BCAR1: variants seen among roughly 807,000 people sequenced by gnomAD.
BCAR1 encodes BCAR1 scaffold protein, Cas family member.
In BCAR1, 30 loss-of-function variants were observed where a neutral mutation model predicts 67.6. That is an observed-to-expected ratio of 0.44 (90% CI 0.33 to 0.60). The LOEUF is 0.60. Ranked by LOEUF, BCAR1 falls within the 20% of genes least tolerant of loss-of-function variation. BCAR1 has a pLI of 0.02. For missense variants in BCAR1, 1,313 were observed against 1,222.3 expected (o/e 1.07, Z -1.11); for synonymous variants, 626 against 556.7 (o/e 1.12, Z -1.75).
At chr16:75,245,318 GAGTGAGTCAC>G (rs778941102) in intron 1 of BCAR1, among the ~76,000 whole-genome samples, 4 of 152,254 alleles carry the variant, frequency 2.6e-5, no homozygotes, top group Non-Finnish European at 5.9e-5. Flanking sequence ...AGTGCCAGCA[GAGTGAGTCAC>G]AGGAAAATTC....
chr16:75,235,061 G>A lies in BCAR1; in HGVS notation c.1838C>T (p.Pro613Leu), dbSNP rs568726629. 1.8e-5 allele frequency: 29 copies of A among 1,613,066 alleles called. No individual in the cohort carries two copies. The highest frequency in any genetic ancestry group is 1.6e-4 in the Middle Eastern group (1 of 6,062). Residue 613 changes from proline to leucine, a missense_variant, in exon 5 of 7, where the codon CCG becomes CTG. Coordinates refer to ENST00000162330, the MANE Select transcript of BCAR1 (RefSeq NM_014567.5). ...LLFRRTKATA[P>L]GPEGGGTLHP... ...CAGGGTGCCACCCCCCTCAGGCCCCGGGGCAGTGGCCTTGGTCCGTCTGAA... is the reference window on the plus strand; with the variant it reads ...CAGGGTGCCACCCCCCTCAGGCCCCAGGGCAGTGGCCTTGGTCCGTCTGAA...
chr16:75,248,127 G>A, intron 1 of BCAR1: 1 of 1,596,576 alleles, frequency 6.3e-7, no homozygotes, highest in Non-Finnish European at 8.5e-7. Context: ...TCCAGAAGCA[G>A]CAGAGGCCGA....
chr16:75,230,191 C>T (rs2076851881), intron 6 of BCAR1, among the ~76,000 whole-genome samples, 168 bp from the exon 7 acceptor site: 1 of 152,218 alleles, frequency 6.6e-6, no homozygotes, highest in African/African-American at 2.4e-5. Flanking sequence ...GACCAGGAAC[C>T]ATGGCAAGCC....
chr16:75,237,790 C>T (rs1004276863), intron 2 of BCAR1, among the ~76,000 whole-genome samples: 2 of 152,196 alleles, frequency 1.3e-5, no homozygotes, highest in Non-Finnish European at 2.9e-5. Context: ...GCCCACACCA[C>T]CTAGCTGTAG....
chr16:75,229,718 C>G lies in BCAR1; in HGVS notation c.2406G>C (p.Gln802His). 6.2e-7 allele frequency: 1 copy of G among 1,613,168 alleles called. No homozygotes were observed. Among genetic ancestry groups the G allele is most frequent in the Non-Finnish European group, 8.5e-7 (1 of 1,179,908 alleles). The change falls in exon 7 of 7, where the codon CAG becomes CAC. Residue 802 changes from glutamine to histidine, a missense_variant. Gln to His is a conservative substitution (Grantham distance 24). Around this residue, in one of 2 missense-constraint regions of BCAR1, gnomAD observed 1,272 missense variants for 1,137.5 expected, o/e 1.12. Coordinates refer to ENST00000162330, the MANE Select transcript of BCAR1 (RefSeq NM_014567.5). Reference sequence around the variant, plus strand: ...GGCTGCGCACGTCAGCAGCCTTGGCCTGCCGTGACAGTGTGTCCCCGATGA... The same window carrying G: ...GGCTGCGCACGTCAGCAGCCTTGGCGTGCCGTGACAGTGTGTCCCCGATGA... ...LVFIGDTLSR[Q>H]AKAADVRSQV...
chr16:75,253,304 G>C (rs1015498422), upstream of BCAR1, among the ~76,000 whole-genome samples: 1 of 152,244 alleles, frequency 6.6e-6, no homozygotes, highest in Non-Finnish European at 1.5e-5. Context: ...AGGAGCCTGA[G>C]GTCATCCCTG....
intron 2 of BCAR1, chr16:75,238,054 G>T (rs2077205267): frequency 7.8e-7 from 1 of 1,289,032 alleles, no homozygotes; most frequent in African/African-American, 1.5e-5. Context: ...GGGGAAGTGG[G>T]TCCAGGGCCA....
At chr16:75,265,172 G>T (rs1457862982) in intron 1 of BCAR1, 2 of 152,436 alleles carry the variant, frequency 1.3e-5, no homozygotes, top group Non-Finnish European at 2.9e-5. Flanking sequence ...GGCCAGTCAG[G>T]GCCCCGGGGG....
At chr16:75,241,133 T>G (rs1182167633) in intron 2 of BCAR1, among the ~76,000 whole-genome samples, 1 of 152,238 alleles carries the variant, frequency 6.6e-6, no homozygotes, top group Non-Finnish European at 1.5e-5. Flanking sequence ...TTTGTATGTG[T>G]GGACGTACAC....
chr16:75,266,984 G>T (rs1048247858), intron 1 of BCAR1, among the ~76,000 whole-genome samples: 2 of 152,170 alleles, frequency 1.3e-5, no homozygotes, highest in African/African-American at 4.8e-5. Flanking sequence ...GCCTGCCAGG[G>T]ATGCTGTGCC....
At chr16:75,259,090 C>T (rs2077841519) in intron 1 of BCAR1, among the ~76,000 whole-genome samples, 1 of 152,180 alleles carries the variant, frequency 6.6e-6, no homozygotes, top group Non-Finnish European at 1.5e-5. Context: ...GACTCTACAG[C>T]CTAAGACACT....
At chr16:75,258,397 T>C (rs1425669665) in intron 1 of BCAR1, among the ~76,000 whole-genome samples, 1 of 152,228 alleles carries the variant, frequency 6.6e-6, no homozygotes, top group Non-Finnish European at 1.5e-5. Context: ...AGTGGCTGGT[T>C]GCAGTCACTT....
chr16:75,263,995 C>G, intron 1 of BCAR1: 1 of 1,193,702 alleles, frequency 8.4e-7, no homozygotes, highest in African/African-American at 1.6e-5. Flanking sequence ...TGGCAAAGAC[C>G]TCTGCCCACC....
chr16:75,244,894 A>G (rs1377340396), intron 1 of BCAR1, among the ~76,000 whole-genome samples: 1 of 152,358 alleles, frequency 6.6e-6, no homozygotes, highest in East Asian at 1.9e-4. Flanking sequence ...AAACGTAAAG[A>G]CAAGAGAGGG....
In BCAR1 at chr16:75,229,469, C is replaced by T; in HGVS notation, c.*42G>A. The T allele has an allele frequency of 3.4e-6, 5 of 1,476,942 alleles. No homozygotes were observed. The highest frequency in any genetic ancestry group is 4.5e-6 in the Non-Finnish European group (5 of 1,113,226). The allele number at this position is 1,476,942 out of a possible 1,614,324, so 91.5% of individuals were successfully genotyped here. A position where few individuals can be genotyped will look rare whatever the true frequency, so the allele number is the denominator to read the frequency against. On this transcript the variant is annotated 3_prime_UTR_variant, in exon 7 of 7. Coordinates refer to ENST00000162330, the MANE Select transcript of BCAR1 (RefSeq NM_014567.5). ...TGACATGGGAGCCAGGGAGCTGGGA[C>T]CGCCGCACCCCTCCCCTGCCTCCCT...
intron 1 of BCAR1, chr16:75,250,864 G>A: frequency 6.1e-6 from 6 of 985,492 alleles, no homozygotes; most frequent in Non-Finnish European, 7.2e-6. Flanking sequence ...CGCTCGGCGT[G>A]CGGGGCTGCA....
intron 5 of BCAR1, among the ~76,000 whole-genome samples, chr16:75,234,155 A>G (rs2077008514): frequency 1.4e-5 from 1 of 73,270 alleles, no homozygotes; most frequent in South Asian, 5.9e-4. Flanking sequence ...GTGCAGGGGC[A>G]GGCAGACAGA....
rs181085922 is a variant in BCAR1 at position 75,240,395 on chromosome 16, C to T, written c.633+2075G>A. ...CCACCGTAATGAAGGCATGAGCAAT[C>T]GGAAACTGCCCAGGGCCCGCCCCAG... On this transcript the variant is annotated intron_variant, in intron 2 of 6. Transcript: ENST00000162330. Among the ~76,000 whole-genome samples the T allele has an allele frequency of 2.8e-4, 42 of 152,294 alleles. No individual in the cohort carries two copies. In the East Asian group the frequency reaches 7.2e-3, roughly 26 times the overall value.
At chr16:75,266,866 G>A in intron 1 of BCAR1, 1 of 1,149,790 alleles carries the variant, frequency 8.7e-7, no homozygotes, top group Non-Finnish European at 1.1e-6. Context: ...CCAGCTCCAT[G>A]AGGCTGGTTT....
Sources: gnomAD v4.1 joint callset for allele counts (sites outside exome capture counted in the v4.1 genomes callset) on GRCh38, gnomAD v4.1.1 for gene constraint, gnomAD v4.1.1 regional missense constraint, MANE v1.5 for transcripts, NCBI Gene and HGNC (gene_info 2026-07-23, HGNC 2026-07-21) for gene names.